SCAI: variants seen among roughly 807,000 people sequenced by gnomAD.
SCAI encodes the protein protein SCAI.
SCAI carries 24 observed loss-of-function variants against 92.2 expected under a neutral mutation model. The ratio of observed to expected loss-of-function variants is 0.26; its 90% CI spans 0.19 to 0.37. The LOEUF (loss-of-function observed/expected upper bound fraction) is 0.37. Among genes scored for constraint, SCAI ranks in the 10% least tolerant of loss-of-function variants. SCAI has a pLI of 1.00. For synonymous variants in SCAI, 261 were observed against 258.6 expected (o/e 1.01, Z -0.09); for missense variants, 450 against 736.2 (o/e 0.61, Z 4.50).
chr9:125,000,635 G>A (rs1380541396), intron 12 of SCAI, among the ~76,000 whole-genome samples: 2 of 145,222 alleles, frequency 1.4e-5, no homozygotes, highest in Admixed American at 6.9e-5. Flanking sequence ...AATAAAATAA[G>A]CTTTTTTTTT....
intron 2 of SCAI, among the ~76,000 whole-genome samples, chr9:125,133,693 T>C (rs943223023): frequency 3.3e-5 from 5 of 152,066 alleles, no homozygotes; most frequent in Non-Finnish European, 7.3e-5. Flanking sequence ...ACTTCAAATA[T>C]GTACAGCTCA....
At chr9:125,137,391 A>G (rs976674488) in intron 2 of SCAI, among the ~76,000 whole-genome samples, 4 of 152,216 alleles carry the variant, frequency 2.6e-5, no homozygotes, top group Non-Finnish European at 5.9e-5. Context: ...CAAAAATTCA[A>G]TAAACTGTTC....
At chr9:125,138,670 T>C (rs908744841) in intron 2 of SCAI, among the ~76,000 whole-genome samples, 4 of 152,124 alleles carry the variant, frequency 2.6e-5, no homozygotes, top group Non-Finnish European at 5.9e-5. Flanking sequence ...CGCCTTGGCC[T>C]CCCAAAGTGC....
chr9:125,137,091 A>C (rs548107948), intron 2 of SCAI, among the ~76,000 whole-genome samples: 1 of 152,148 alleles, frequency 6.6e-6, no homozygotes, highest in Non-Finnish European at 1.5e-5. Flanking sequence ...GGCTACAACC[A>C]TTACATCCTT....
At chr9:125,023,334 C>G (rs1832906162) in intron 6 of SCAI, among the ~76,000 whole-genome samples, 1 of 152,166 alleles carries the variant, frequency 6.6e-6, no homozygotes, top group African/African-American at 2.4e-5. Context: ...TTCTTGACAA[C>G]TAAGTTTTCC....
At chr9:124,972,217 T>A (rs907615768) in intron 15 of SCAI, among the ~76,000 whole-genome samples, 1 of 152,160 alleles carries the variant, frequency 6.6e-6, no homozygotes, top group South Asian at 2.1e-4. Context: ...CTCTATGAGC[T>A]GCTCTTTCCC....
At chr9:125,083,987 C>T (rs1204029056) in intron 2 of SCAI, among the ~76,000 whole-genome samples, 2 of 151,830 alleles carry the variant, frequency 1.3e-5, no homozygotes, top group Non-Finnish European at 2.9e-5. Flanking sequence ...GAAATGAAGG[C>T]TGGGAGATCC....
intron 1 of SCAI, among the ~76,000 whole-genome samples, chr9:125,143,067 C>T (rs929678887): frequency 1.5e-3 from 234 of 151,540 alleles, no homozygotes; most frequent in Non-Finnish European, 2.9e-3. Flanking sequence ...CTCCACGCCC[C>T]GCCTCTCCGG....
At chr9:125,110,116 A>G (rs1834902100) in intron 2 of SCAI, among the ~76,000 whole-genome samples, 1 of 152,252 alleles carries the variant, frequency 6.6e-6, no homozygotes, top group Non-Finnish European at 1.5e-5. Flanking sequence ...AGAGTTTACA[A>G]ATTTAAACAT....
intron 9 of SCAI, among the ~76,000 whole-genome samples, chr9:125,017,712 C>G (rs6478692): frequency 0.62 from 94,514 of 151,876 alleles, 29,730 homozygotes; most frequent in Admixed American, 0.66. Context: ...ACAAATTTAC[C>G]CAAAAACAAC....
At chr9:124,985,527 A>G (rs1831971360) in intron 14 of SCAI, among the ~76,000 whole-genome samples, 1 of 152,226 alleles carries the variant, frequency 6.6e-6, no homozygotes, top group African/African-American at 2.4e-5. Flanking sequence ...CAGGGGCACA[A>G]AAACAGCAAA....
intron 6 of SCAI, among the ~76,000 whole-genome samples, chr9:125,021,829 C>A (rs1832876012): frequency 1.3e-5 from 2 of 152,078 alleles, no homozygotes; most frequent in Admixed American, 6.6e-5. Flanking sequence ...TGGACTTGAA[C>A]TCCTGGGTTC....
chr9:125,095,084 G>A (rs1384934425), intron 2 of SCAI, among the ~76,000 whole-genome samples: 1 of 152,176 alleles, frequency 6.6e-6, no homozygotes, highest in Non-Finnish European at 1.5e-5. Flanking sequence ...AGCTCCTGTA[G>A]ACATTACCTC....
intron 2 of SCAI, among the ~76,000 whole-genome samples, chr9:125,117,361 T>C (rs946432315): frequency 6.6e-6 from 1 of 152,146 alleles, no homozygotes; most frequent in Non-Finnish European, 1.5e-5. Context: ...CCTGATAAAA[T>C]TACACTACCT....
At chr9:125,010,299 G>A (rs911143791) in intron 9 of SCAI, among the ~76,000 whole-genome samples, 1 of 152,172 alleles carries the variant, frequency 6.6e-6, no homozygotes, top group Admixed American at 6.5e-5. Flanking sequence ...GTGACAGATG[G>A]CACCTGGAAA....
At chr9:124,977,923 A>G (rs1360055916) in intron 14 of SCAI, among the ~76,000 whole-genome samples, 1 of 152,204 alleles carries the variant, frequency 6.6e-6, no homozygotes, top group Non-Finnish European at 1.5e-5. Context: ...CAAATATATC[A>G]AAGATGTAAA....
At chr9:125,141,006 C>A (rs1424961233) in intron 2 of SCAI, among the ~76,000 whole-genome samples, 1 of 152,038 alleles carries the variant, frequency 6.6e-6, no homozygotes, top group Non-Finnish European at 1.5e-5. Flanking sequence ...TCATTTCAGA[C>A]CCTAAATTCT....
chr9:125,061,759 A>G (rs1833772191), intron 2 of SCAI, among the ~76,000 whole-genome samples: 1 of 152,162 alleles, frequency 6.6e-6, no homozygotes, highest in African/African-American at 2.4e-5. Context: ...GACCCAGCTC[A>G]AAATGAAAGA....
chr9:125,143,485 G>A lies in SCAI; in HGVS notation c.-48C>T, dbSNP rs1009448964. 3.2e-5 allele frequency: 42 copies of A among 1,312,396 alleles called. No individual in the cohort carries two copies. Among genetic ancestry groups the A allele is most frequent in the Non-Finnish European group, 3.9e-5 (40 of 1,029,708 alleles). The allele number at this position is 1,312,396 out of a possible 1,614,324, so 81.3% of individuals were successfully genotyped here. A position where few individuals can be genotyped will look rare whatever the true frequency, so the allele number is the denominator to read the frequency against. On this transcript the variant is annotated 5_prime_UTR_variant, in exon 1 of 18. Coordinates refer to ENST00000336505, the MANE Select transcript of SCAI (RefSeq NM_001144877.3). The stretch of plus-strand genomic sequence containing the variant: ...AGCTGCTCCGGCGGCCGCAGGGCTC[G>A]CTCGGGAAGCTGAGGCGGCGGAGGC...
Sources: allele counts gnomAD v4.1 joint callset (sites outside exome capture counted in the v4.1 genomes callset), GRCh38; gene constraint gnomAD v4.1.1; transcripts MANE v1.5; gene names NCBI Gene and HGNC (gene_info 2026-07-23, HGNC 2026-07-21).